Variants in RNASE4 observed in about 807,000 individuals in gnomAD.
RNASE4 encodes the protein ribonuclease A family member 4.
For synonymous variants in RNASE4, 93 were observed against 71.4 expected (o/e 1.30, Z -1.52); for missense variants, 194 against 192.8 (o/e 1.01, Z -0.04).
Position 20,700,946 on chromosome 14 carries a change from C to T in RNASE4, c.*1131C>T, listed in dbSNP as rs1240707651. ...AATTCCTGCCTTAACTGATGACATT[C>T]CACCACTGTGATTTGTTCCTGCCCC... On this transcript the variant is annotated 3_prime_UTR_variant, in exon 2 of 2. Coordinates refer to ENST00000555835, the MANE Select transcript of RNASE4 (RefSeq NM_002937.5). The T allele has an allele frequency of 1.3e-5, 2 of 152,230 alleles. No homozygotes were observed. Among genetic ancestry groups the T allele is most frequent in the African/African-American group, 2.4e-5 (1 of 41,440 alleles). The allele number at this position is 152,230 out of a possible 1,614,324, so 9.4% of individuals were successfully genotyped here. A position where few individuals can be genotyped will look rare whatever the true frequency, so the allele number is the denominator to read the frequency against.
At chr14:20,697,507 A>C (rs938602787) in intron 1 of RNASE4, among the ~76,000 whole-genome samples, 5 of 152,218 alleles carry the variant, frequency 3.3e-5, no homozygotes, top group African/African-American at 1.2e-4. Flanking sequence ...TGCAAAGGCA[A>C]AAGATGGCTA....
chr14:20,690,357 T>C (rs1198750741), intron 1 of RNASE4, among the ~76,000 whole-genome samples: 1 of 152,184 alleles, frequency 6.6e-6, no homozygotes, highest in East Asian at 1.9e-4. Flanking sequence ...ATAGGACTTT[T>C]GCCACCAGAT....
At chr14:20,687,224 C>G (rs1464153200) in intron 1 of RNASE4, among the ~76,000 whole-genome samples, 1 of 152,308 alleles carries the variant, frequency 6.6e-6, no homozygotes, top group South Asian at 2.1e-4. Flanking sequence ...TCCCCCAAAC[C>G]CTACTTTTCA....
chr14:20,692,992 C>T (rs1281676985), intron 1 of RNASE4, among the ~76,000 whole-genome samples: 4 of 151,318 alleles, frequency 2.6e-5, no homozygotes, highest in Non-Finnish European at 5.9e-5. Context: ...GGACTACAGG[C>T]GCCCGCCACT....
At chr14:20,686,668 G>A (rs1886440984) in intron 1 of RNASE4, among the ~76,000 whole-genome samples, 1 of 152,196 alleles carries the variant, frequency 6.6e-6, no homozygotes, top group South Asian at 2.1e-4. Flanking sequence ...ATGTCAGCAG[G>A]ACTTTGTCCC....
chr14:20,684,639 A>G lies in RNASE4; in HGVS notation c.-137A>G, dbSNP rs929565811. 6.6e-6 allele frequency: 1 copy of G among 152,412 alleles called. No individual in the cohort carries two copies. The highest frequency in any genetic ancestry group is 1.5e-5 in the Non-Finnish European group (1 of 68,162). The allele number at this position is 152,412 out of a possible 1,614,324, so 9.4% of individuals were successfully genotyped here. A position where few individuals can be genotyped will look rare whatever the true frequency, so the allele number is the denominator to read the frequency against. On this transcript the variant is annotated 5_prime_UTR_variant, in exon 1 of 2. Transcript: ENST00000555835. ...ACCTAGATGCAAAGCAGGATTCAAA[A>G]GAACATCTTTGCGTTTTCTACCGGC...
At chr14:20,689,323 C>T (rs1886580057) in intron 1 of RNASE4, among the ~76,000 whole-genome samples, 1 of 152,144 alleles carries the variant, frequency 6.6e-6, no homozygotes, top group African/African-American at 2.4e-5. Context: ...ATCCCAAGAT[C>T]AAAAGAAGGC....
At chr14:20,691,733 T>C (rs1039480646) in intron 1 of RNASE4, among the ~76,000 whole-genome samples, 3 of 152,240 alleles carry the variant, frequency 2.0e-5, no homozygotes, top group Non-Finnish European at 4.4e-5. Context: ...TCCACAATAA[T>C]GGAGTAAATA....
chr14:20,697,151 G>A (rs1372621387), intron 1 of RNASE4, among the ~76,000 whole-genome samples: 7 of 152,176 alleles, frequency 4.6e-5, no homozygotes, highest in East Asian at 1.9e-4. Context: ...AAAAGCTGAC[G>A]TCCTGGGTCT....
intron 1 of RNASE4, among the ~76,000 whole-genome samples, chr14:20,692,911 G>A (rs1426629874): frequency 6.6e-6 from 1 of 151,946 alleles, no homozygotes; most frequent in Non-Finnish European, 1.5e-5. Context: ...GCAGTGGCGC[G>A]ATCTCGGCTC....
intron 1 of RNASE4, chr14:20,693,378 G>A (rs977704199): frequency 2.5e-6 from 2 of 809,670 alleles, no homozygotes; most frequent in African/African-American, 3.4e-5. Flanking sequence ...TCCGCAGGAA[G>A]GGATTGACGA....
At chr14:20,688,604 C>G in intron 1 of RNASE4, 2 of 823,542 alleles carry the variant, frequency 2.4e-6, no homozygotes, top group African/African-American at 3.7e-5. Flanking sequence ...TCTTCCAGAA[C>G]AAATCTCTAA....
Position 20,699,335 on chromosome 14 carries a change from C to T in RNASE4, c.-17-20C>T. The T allele has an allele frequency of 6.5e-7, 1 of 1,535,300 alleles. No individual in the cohort carries two copies. The highest frequency in any genetic ancestry group is 2.3e-5 in the East Asian group (1 of 44,186). On this transcript the variant is annotated intron_variant, in intron 1 of 1. Coordinates refer to ENST00000555835, the MANE Select transcript of RNASE4 (RefSeq NM_002937.5). The stretch of plus-strand genomic sequence containing the variant: ...CCCAGTTCTTACCTTATTTCTCCTG[C>T]CCCTTGCTTTCTTTTCTAGGCACCT...
intron 1 of RNASE4, among the ~76,000 whole-genome samples, chr14:20,687,651 T>A (rs990832060): frequency 6.6e-6 from 1 of 152,244 alleles, no homozygotes; most frequent in Non-Finnish European, 1.5e-5. Context: ...AGTTTCCTCA[T>A]GAGCAGAGCA....
rs112970813 is a variant in RNASE4 at position 20,699,768 on chromosome 14, A to T, written c.397A>T (p.Ile133Phe). 245 of 1,612,378 alleles carry T rather than the reference A, an allele frequency of 1.5e-4. 3 individuals are homozygous for T. In the African/African-American group the frequency reaches 2.9e-3, roughly 19 times the overall value. The change falls in exon 2 of 2, where the codon ATT becomes TTT. Residue 133 changes from isoleucine (I) to phenylalanine (F), a missense_variant. Ile to Phe is a conservative substitution (Grantham distance 21). Coordinates refer to ENST00000555835, the MANE Select transcript of RNASE4 (RefSeq NM_002937.5). Reference protein sequence around the residue: ...RAIASTRRVVIACEGNPQVPV... With the variant: ...RAIASTRRVVFACEGNPQVPV... ...CATAGCGAGCACTAGACGTGTTGTC[A>T]TTGCCTGTGAGGGTAACCCACAGGT...
intron 1 of RNASE4, among the ~76,000 whole-genome samples, chr14:20,687,646 C>T (rs974474692): frequency 6.6e-6 from 1 of 152,182 alleles, no homozygotes; most frequent in Non-Finnish European, 1.5e-5. Flanking sequence ...CTTGGAGTTT[C>T]CTCATGAGCA....
Position 20,699,603 on chromosome 14 carries a change from A to G in RNASE4, c.232A>G (p.Ile78Val), listed in dbSNP as rs1399754169. 2 of 1,614,144 alleles carry G rather than the reference A, an allele frequency of 1.2e-6. No homozygotes were observed. The highest frequency in any genetic ancestry group is 2.2e-5 in the South Asian group (2 of 91,088). ...CTTCAACACCTTCATCCATGAAGAT[A>G]TCTGGAACATTCGTAGTATCTGCAG... ...KRFNTFIHED[I>V]WNIRSICSTT... The change falls in exon 2 of 2, where the codon ATC (isoleucine) becomes GTC (valine). Residue 78 changes from isoleucine to valine, a missense_variant. Physicochemically the swap from Ile to Val is conservative, Grantham distance 29. Coordinates refer to ENST00000555835, the MANE Select transcript of RNASE4 (RefSeq NM_002937.5).
At chr14:20,695,397 A>C (rs532941379) in intron 1 of RNASE4, among the ~76,000 whole-genome samples, 8 of 151,100 alleles carry the variant, frequency 5.3e-5, no homozygotes, top group South Asian at 2.1e-4. Context: ...TCCATCTCAA[A>C]AAAAAAAAAA....
At position 20,687,625 on chromosome 14, in the gene RNASE4, TGCTGTTTGTTCTTG is replaced by T. The variant is rs1388357729; in HGVS notation, c.-18+2869_-18+2882del. On this transcript the variant is annotated intron_variant, in intron 1 of 1. Transcript: ENST00000555835. ...TCAAAGTCTGACTCCACCATTCATC[TGCTGTTTGTTCTTG>T]GAGTTTCCTCATGAGCAGAGCATAT... Among the ~76,000 whole-genome samples, 3 of 152,366 alleles carry T rather than the reference TGCTGTTTGTTCTTG, an allele frequency of 2.0e-5. No individual in the cohort carries two copies. In the South Asian group the frequency reaches 6.2e-4, roughly 32 times the overall value.
Sources: gnomAD v4.1 joint callset for allele counts (sites outside exome capture counted in the v4.1 genomes callset) on GRCh38, gnomAD v4.1.1 for gene constraint, MANE v1.5 for transcripts, NCBI Gene and HGNC (gene_info 2026-07-23, HGNC 2026-07-21) for gene names.